WDFY2: variants seen among roughly 807,000 people sequenced by gnomAD.
WDFY2 encodes the protein WD repeat and FYVE domain-containing protein 2.
Under a neutral mutation model 56.4 loss-of-function variants are expected in WDFY2, and 36 were observed. That is an observed-to-expected ratio of 0.64 (90% CI 0.49 to 0.84). WDFY2 has a LOEUF of 0.84. Among genes scored for constraint, WDFY2 ranks in the 40% least tolerant of loss-of-function variants. WDFY2 has a pLI of 0.00. For missense variants in WDFY2, 444 were observed against 512.2 expected, an observed-to-expected ratio of 0.87 and a Z score of 1.29; for synonymous variants, 176 against 183.7, an observed-to-expected ratio of 0.96 and a Z score of 0.34.
At chr13:51,749,720 T>A (rs1375314497) in intron 7 of WDFY2, among the ~76,000 whole-genome samples, 1 of 152,180 alleles carries the variant, frequency 6.6e-6, no homozygotes, top group African/African-American at 2.4e-5. Flanking sequence ...TATTATACTT[T>A]ATAATCAAAG....
chr13:51,707,286 G>T (rs946686098), intron 4 of WDFY2, among the ~76,000 whole-genome samples: 1 of 152,260 alleles, frequency 6.6e-6, no homozygotes, highest in South Asian at 2.1e-4. Context: ...CACCTCCCAA[G>T]TAGCTGGGAC....
At chr13:51,647,834 A>G (rs1489797554) in intron 1 of WDFY2, among the ~76,000 whole-genome samples, 2 of 151,774 alleles carry the variant, frequency 1.3e-5, no homozygotes, top group East Asian at 1.9e-4. Context: ...TGACTGAAAC[A>G]TTGTTATGCA....
rs144417395 is a variant in WDFY2 at position 51,633,597 on chromosome 13, G to T, written c.138-26999G>T. 5.0e-3 allele frequency among the ~76,000 whole-genome samples: 759 copies of T among 152,208 alleles called. 5 individuals are homozygous for T. Among genetic ancestry groups the T allele is most frequent in the African/African-American group, 0.014 (597 of 41,522 alleles). On this transcript the variant is annotated intron_variant, in intron 1 of 11. Transcript: ENST00000298125. ...ATTATTCCTGTTAGCTCTTCTCAAG[G>T]GGTCACTTTTGTGGATGGGTCACTT... is the stretch of plus-strand genomic sequence containing the variant.
chr13:51,623,781 T>C (rs1456329009), intron 1 of WDFY2, among the ~76,000 whole-genome samples: 1 of 152,146 alleles, frequency 6.6e-6, no homozygotes. Context: ...ATTCTGTGGT[T>C]CCTGTCCTTC....
intron 4 of WDFY2, among the ~76,000 whole-genome samples, chr13:51,717,444 C>T (rs1952380933): frequency 6.6e-6 from 1 of 152,032 alleles, no homozygotes; most frequent in Non-Finnish European, 1.5e-5. Context: ...CTAGCCTCTG[C>T]CTCCTCTGGC....
At chr13:51,662,470 G>GC (rs1360001122) in intron 2 of WDFY2, among the ~76,000 whole-genome samples, 1 of 152,158 alleles carries the variant, frequency 6.6e-6, no homozygotes, top group Admixed American at 6.5e-5. Flanking sequence ...GGGATGGCAA[G>GC]CGAGGAATCT....
At chr13:51,656,414 A>G (rs1185988733) in intron 1 of WDFY2, among the ~76,000 whole-genome samples, 1 of 152,030 alleles carries the variant, frequency 6.6e-6, no homozygotes, top group Non-Finnish European at 1.5e-5. Flanking sequence ...CTAACAGCTG[A>G]GCAATCCTAG....
At chr13:51,684,160 A>G (rs1956022137) in intron 3 of WDFY2, among the ~76,000 whole-genome samples, 1 of 152,152 alleles carries the variant, frequency 6.6e-6, no homozygotes. Flanking sequence ...ACGGTTGCAA[A>G]AAGACTTCTA....
At chr13:51,657,066 A>G (rs940232995) in intron 1 of WDFY2, among the ~76,000 whole-genome samples, 7 of 151,668 alleles carry the variant, frequency 4.6e-5, no homozygotes, top group African/African-American at 1.7e-4. Flanking sequence ...TTTCTCCACT[A>G]TTGCCTTCTT....
At chr13:51,620,548 C>T (rs897260036) in intron 1 of WDFY2, among the ~76,000 whole-genome samples, 2 of 152,106 alleles carry the variant, frequency 1.3e-5, no homozygotes, top group African/African-American at 2.4e-5. Context: ...TTATCTCTCC[C>T]GTACCACTGT....
intron 1 of WDFY2, among the ~76,000 whole-genome samples, chr13:51,650,068 T>C (rs1317034509): frequency 6.6e-6 from 1 of 152,018 alleles, no homozygotes; most frequent in Admixed American, 6.5e-5. Context: ...TGTTCTTCCA[T>C]TTGTTTGTGT....
At chr13:51,609,204 A>G (rs1269317794) in intron 1 of WDFY2, among the ~76,000 whole-genome samples, 1 of 152,214 alleles carries the variant, frequency 6.6e-6, no homozygotes, top group Non-Finnish European at 1.5e-5. Flanking sequence ...TATAATCACC[A>G]TTCACGTCAA....
At position 51,644,177 on chromosome 13, in the gene WDFY2, G is replaced by C. The variant is rs141735791; in HGVS notation, c.138-16419G>C. 7.7e-4 allele frequency among the ~76,000 whole-genome samples: 118 copies of C among 152,288 alleles called. 4 individuals carry two copies. The highest frequency in any genetic ancestry group is 7.3e-3 in the Admixed American group (112 of 15,304). On this transcript the variant is annotated intron_variant, in intron 1 of 11. Transcript: ENST00000298125. ...GACAGGAAGCAGTGCTTAAGCATTA[G>C]TCAGTAAGAGTTAAATTACTAAAAA...
intron 5 of WDFY2, among the ~76,000 whole-genome samples, chr13:51,721,457 A>G (rs1383938232): frequency 1.3e-5 from 2 of 152,140 alleles, no homozygotes; most frequent in African/African-American, 2.4e-5. Flanking sequence ...ACAATGTCCA[A>G]TTTGCCCTGA....
intron 6 of WDFY2, among the ~76,000 whole-genome samples, chr13:51,730,398 C>T (rs956000406): frequency 5.3e-5 from 8 of 152,192 alleles, no homozygotes; most frequent in Admixed American, 2.6e-4. Context: ...TTCTATGACG[C>T]TGCTGGCTTT....
rs71192015 is a variant in WDFY2 at position 51,718,559 on chromosome 13, TACACACACACAC to T, written c.335-606_335-595del. Reference sequence around the variant, plus strand: ...GGAAATTTGCTCTTATTATCATTCATACACACACACACACACACACACACACACACACACACA... The same window carrying T: ...GGAAATTTGCTCTTATTATCATTCATACACACACACACACACACACACACA... On this transcript the variant is annotated intron_variant, in intron 4 of 11. Transcript: ENST00000298125. Among the ~76,000 whole-genome samples the T allele has an allele frequency of 1.4e-3, 194 of 138,754 alleles. No homozygotes were observed. In the East Asian group the frequency reaches 0.02, roughly 15 times the overall value. 91.0% of individuals were successfully genotyped at this position (138,754 alleles called of 152,430 possible).
At chr13:51,603,970 AAG>A (rs1954335957) in intron 1 of WDFY2, among the ~76,000 whole-genome samples, 1 of 152,136 alleles carries the variant, frequency 6.6e-6, no homozygotes, top group African/African-American at 2.4e-5. Flanking sequence ...TGCCTAGTGA[AAG>A]AGGGCAGCAG....
At chr13:51,660,135 A>G (rs892821328) in intron 1 of WDFY2, among the ~76,000 whole-genome samples, 3 of 152,158 alleles carry the variant, frequency 2.0e-5, no homozygotes, top group Non-Finnish European at 4.4e-5. Context: ...ACAGGTATAT[A>G]TGGTGTTCAT....
At chr13:51,633,022 G>A (rs1954981623) in intron 1 of WDFY2, among the ~76,000 whole-genome samples, 1 of 152,198 alleles carries the variant, frequency 6.6e-6, no homozygotes, top group Non-Finnish European at 1.5e-5. Flanking sequence ...TTTGTGTGGG[G>A]CAGGGTTGAA....
Sources: gnomAD v4.1 joint callset for allele counts (sites outside exome capture counted in the v4.1 genomes callset) on GRCh38, gnomAD v4.1.1 for gene constraint, MANE v1.5 for transcripts, NCBI Gene and HGNC (gene_info 2026-07-23, HGNC 2026-07-21) for gene names.